Variants in TMC7 observed in about 807,000 individuals in gnomAD.
TMC7 encodes transmembrane channel-like protein 7.
TMC7 carries 54 observed loss-of-function variants against 82.9 expected under a neutral mutation model. The observed-to-expected ratio is 0.65, with a 90% confidence interval of 0.52 to 0.82. The LOEUF is 0.82. Ranked by LOEUF, TMC7 falls within the 40% of genes least tolerant of loss-of-function variation. The probability of loss-of-function intolerance (pLI) is 0.00; values close to 1 mark genes in which losing one functional copy is unlikely to be tolerated. For synonymous variants in TMC7, 350 were observed against 337.9 expected, an observed-to-expected ratio of 1.04 and a Z score of -0.39; for missense variants, 820 against 901.2, an observed-to-expected ratio of 0.91 and a Z score of 1.15.
intron 1 of TMC7, among the ~76,000 whole-genome samples, chr16:18,993,616 T>C (rs2038988414): frequency 6.6e-6 from 1 of 152,210 alleles, no homozygotes; most frequent in Non-Finnish European, 1.5e-5. Flanking sequence ...TGATGCCTTT[T>C]GATGGCCCTT....
In TMC7 at chr16:18,987,528, A is replaced by T. The variant is rs1184159671; in HGVS notation, c.67+3398A>T. Among the ~76,000 whole-genome samples the T allele has an allele frequency of 4.6e-5, 7 of 150,970 alleles. No homozygotes were observed. In the East Asian group the frequency reaches 1.4e-3, roughly 30 times the overall value. ...CTTTCACTATGTTGGCTGGTCTCGAACTCCTGACATCAAGTGATCCGCCCA... is the reference window on the plus strand; with the variant it reads ...CTTTCACTATGTTGGCTGGTCTCGATCTCCTGACATCAAGTGATCCGCCCA... On this transcript the variant is annotated intron_variant, in intron 1 of 15. Coordinates refer to ENST00000304381, the MANE Select transcript of TMC7 (RefSeq NM_024847.4).
At chr16:19,013,932 C>A (rs1959530558) in intron 2 of TMC7, among the ~76,000 whole-genome samples, 1 of 144,032 alleles carries the variant, frequency 6.9e-6, no homozygotes, top group Non-Finnish European at 1.5e-5. Flanking sequence ...TGGGTCACTG[C>A]AAGCTCTGCC....
chr16:18,999,824 C>T (rs887934788), intron 1 of TMC7, among the ~76,000 whole-genome samples: 2 of 151,950 alleles, frequency 1.3e-5, no homozygotes, highest in African/African-American at 2.4e-5. Flanking sequence ...AGTGCAGTGG[C>T]GCGATCTCGG....
chr16:19,052,227 T>A (rs1455053394), intron 13 of TMC7, among the ~76,000 whole-genome samples: 1 of 152,174 alleles, frequency 6.6e-6, no homozygotes, highest in African/African-American at 2.4e-5. Context: ...GCACTGTGCC[T>A]TTATTGGCTT....
chr16:19,046,538 A>T (rs1961279998), intron 11 of TMC7, among the ~76,000 whole-genome samples: 1 of 152,164 alleles, frequency 6.6e-6, no homozygotes, highest in Non-Finnish European at 1.5e-5. Flanking sequence ...GTGAGCCCTT[A>T]AAAATAAATA....
intron 2 of TMC7, among the ~76,000 whole-genome samples, chr16:19,010,828 G>A (rs1959291695): frequency 6.6e-6 from 1 of 152,126 alleles, no homozygotes; most frequent in African/African-American, 2.4e-5. Flanking sequence ...GGCTTCAGCT[G>A]GGATGATCAC....
At chr16:19,051,905 T>A in intron 13 of TMC7, 89 bp downstream of exon 13, 1 of 1,568,362 alleles carries the variant, frequency 6.4e-7, no homozygotes, top group Admixed American at 1.8e-5. Flanking sequence ...CACATTTTTT[T>A]TTTTTTTGAG....
Position 19,023,197 on chromosome 16 carries a change from TA to T in TMC7, c.711+4del. The T allele has an allele frequency of 6.3e-7, 1 of 1,577,126 alleles. No individual in the cohort carries two copies. Among genetic ancestry groups the T allele is most frequent in the Non-Finnish European group, 8.7e-7 (1 of 1,148,600 alleles). ...ATCATAGACTTGCTTTCTGGCACTG[TA>T]AGTATTTAACATAATCCTTTGTTTA... On this transcript the variant is annotated splice_donor_region_variant and intron_variant, in intron 5 of 15. Coordinates refer to ENST00000304381, the MANE Select transcript of TMC7 (RefSeq NM_024847.4).
intron 12 of TMC7, among the ~76,000 whole-genome samples, chr16:19,048,839 T>C (rs896389107): frequency 3.3e-5 from 5 of 152,208 alleles, no homozygotes; most frequent in African/African-American, 1.2e-4. Flanking sequence ...CCAACGTTTA[T>C]TGATTACCTG....
At chr16:19,045,229 A>T in intron 10 of TMC7, 112 bp from the exon 11 acceptor site, 2 of 944,718 alleles carry the variant, frequency 2.1e-6, no homozygotes, top group South Asian at 1.4e-5. Flanking sequence ...TGATGCCCTC[A>T]CTGGAGCCAC....
intron 13 of TMC7, among the ~76,000 whole-genome samples, chr16:19,055,946 A>G (rs1271338591): frequency 1.3e-5 from 2 of 152,206 alleles, no homozygotes; most frequent in Non-Finnish European, 2.9e-5. Flanking sequence ...AGACCGGAGA[A>G]TAGAATGCCC....
chr16:18,988,768 GGC>G (rs2038898029), intron 1 of TMC7, among the ~76,000 whole-genome samples: 1 of 152,150 alleles, frequency 6.6e-6, no homozygotes, highest in African/African-American at 2.4e-5. Flanking sequence ...TTATGTAGTT[GGC>G]CGGGCACAGT....
chr16:19,045,218 C>A, intron 10 of TMC7, 123 bp from the exon 11 acceptor site: 1 of 887,228 alleles, frequency 1.1e-6, no homozygotes, highest in Admixed American at 1.9e-5. Flanking sequence ...TTTGCATCAG[C>A]TGATGCCCTC....
chr16:18,998,481 G>A (rs1227699926), intron 1 of TMC7, among the ~76,000 whole-genome samples: 2 of 152,122 alleles, frequency 1.3e-5, no homozygotes, highest in Admixed American at 6.6e-5. Flanking sequence ...TTGGCTGGAC[G>A]CGGTGGCTCA....
intron 6 of TMC7, among the ~76,000 whole-genome samples, chr16:19,034,826 G>T (rs914648738): frequency 1.3e-5 from 2 of 152,108 alleles, no homozygotes; most frequent in African/African-American, 4.8e-5. Flanking sequence ...ACAGGAATTT[G>T]TGTGTTTATA....
At chr16:18,996,872 C>T (rs550855902) in intron 1 of TMC7, among the ~76,000 whole-genome samples, 2 of 152,300 alleles carry the variant, frequency 1.3e-5, no homozygotes, top group South Asian at 2.1e-4. Context: ...CAGGTGTCCC[C>T]GCAGTGATTA....
At chr16:18,998,483 G>A (rs182873299) in intron 1 of TMC7, among the ~76,000 whole-genome samples, 27 of 152,296 alleles carry the variant, frequency 1.8e-4, no homozygotes, top group Admixed American at 3.9e-4. Flanking sequence ...GGCTGGACGC[G>A]GTGGCTCACG....
chr16:19,030,712 A>G (rs1960477215), intron 6 of TMC7, among the ~76,000 whole-genome samples: 1 of 151,202 alleles, frequency 6.6e-6, no homozygotes. Flanking sequence ...CTGGGTAGCT[A>G]GGACTACAGG....
At chr16:19,023,394 A>G (rs897407726) in intron 5 of TMC7, among the ~76,000 whole-genome samples, 199 bp downstream of exon 5, 1 of 152,140 alleles carries the variant, frequency 6.6e-6, no homozygotes, top group Non-Finnish European at 1.5e-5. Context: ...ATGTCAGGAA[A>G]TATGCTTTAT....
Sources: allele counts gnomAD v4.1 joint callset (sites outside exome capture counted in the v4.1 genomes callset), GRCh38; gene constraint gnomAD v4.1.1; transcripts MANE v1.5; gene names NCBI Gene and HGNC (gene_info 2026-07-23, HGNC 2026-07-21).